IGSF6: variants seen among roughly 807,000 people sequenced by gnomAD.
IGSF6 encodes the protein immunoglobulin superfamily member 6.
IGSF6 carries 23 observed loss-of-function variants against 24.7 expected under a neutral mutation model. That is an observed-to-expected ratio of 0.93 (90% CI 0.67 to 1.32). The LOEUF (loss-of-function observed/expected upper bound fraction) is 1.32. Ranked by LOEUF, IGSF6 falls within the 40% of genes most tolerant of loss-of-function variation. The pLI is 0.00. For missense variants in IGSF6, 295 were observed against 293.6 expected, an observed-to-expected ratio of 1.00 and a Z score of -0.04; for synonymous variants, 110 against 113.7, an observed-to-expected ratio of 0.97 and a Z score of 0.21.
intron 2 of IGSF6, among the ~76,000 whole-genome samples, chr16:21,645,958 T>TTATA (rs1317082904): frequency 3.3e-5 from 5 of 152,166 alleles, no homozygotes; most frequent in African/African-American, 1.2e-4. Flanking sequence ...AAAGCACAGG[T>TTATA]TATAATACTG....
Position 21,644,354 on chromosome 16 carries a change from G to A in IGSF6, c.470C>T (p.Ala157Val), listed in dbSNP as rs199935071. The A allele has an allele frequency of 7.4e-6, 12 of 1,613,886 alleles. No individual in the cohort carries two copies. The highest frequency in any genetic ancestry group is 8.5e-6 in the Non-Finnish European group (10 of 1,179,910). ...LSKELRSFLT[A>V]LVSLLSVYVT... Reference sequence around the variant, plus strand: ...ATAGACAGAGAGCAGTGATACAAGAGCTGTCAGGAAGCTCCGCAGTTCCTT... The same window carrying A: ...ATAGACAGAGAGCAGTGATACAAGAACTGTCAGGAAGCTCCGCAGTTCCTT... Residue 157 changes from alanine to valine, a missense_variant, in exon 3 of 6, where the codon GCT (alanine) becomes GTT (valine). Transcript: ENST00000268389.
intron 1 of IGSF6, chr16:21,651,901 T>C (rs1349014574): frequency 6.6e-6 from 1 of 152,196 alleles, no homozygotes; most frequent in Admixed American, 6.5e-5. Context: ...AAGTCACCCA[T>C]AGTCCTTTTG....
chr16:21,645,205 C>A (rs1222331517), intron 2 of IGSF6, among the ~76,000 whole-genome samples: 2 of 152,160 alleles, frequency 1.3e-5, no homozygotes, highest in African/African-American at 4.8e-5. Flanking sequence ...GTAATCCCAG[C>A]ACTTTGAGAG....
chr16:21,649,717 AT>A (rs1966519384), intron 1 of IGSF6, among the ~76,000 whole-genome samples: 1 of 152,024 alleles, frequency 6.6e-6, no homozygotes, highest in Admixed American at 6.6e-5. Flanking sequence ...ACACATTTTT[AT>A]TTTTGAGATA....
chr16:21,648,730 A>G (rs1280197539), intron 1 of IGSF6, among the ~76,000 whole-genome samples: 2 of 152,204 alleles, frequency 1.3e-5, no homozygotes, highest in African/African-American at 2.4e-5. Context: ...TGGTTGAGAC[A>G]AATTGGAATT....
At chr16:21,643,670 C>G in intron 3 of IGSF6, 72 bp from the exon 4 acceptor site, 1 of 971,860 alleles carries the variant, frequency 1.0e-6, no homozygotes, top group Non-Finnish European at 1.6e-6. Flanking sequence ...TATCTCATGC[C>G]CTAATAAGAT....
chr16:21,639,925 TTTTATTTATTTATTTA>T lies in IGSF6; in HGVS notation c.*1593_*1608del, dbSNP rs113376697. ...ATACCAGTTTAAAAGAAACACTTTA[TTTTATTTATTTATTTA>T]TTTATTTATTTATTTTTGAGACAGT... On this transcript the variant is annotated 3_prime_UTR_variant, in exon 6 of 6. Coordinates refer to ENST00000268389, the MANE Select transcript of IGSF6 (RefSeq NM_005849.4). The T allele has an allele frequency of 1.3e-5, 2 of 151,252 alleles. No homozygotes were observed. The allele number at this position is 151,252 out of a possible 1,614,324, so 9.4% of individuals were successfully genotyped here.
intron 1 of IGSF6, among the ~76,000 whole-genome samples, chr16:21,650,453 A>G (rs1966539584): frequency 6.8e-6 from 1 of 147,042 alleles, no homozygotes; most frequent in Non-Finnish European, 1.5e-5. Flanking sequence ...GGTTGCAGTG[A>G]GCTGAGATTG....
At chr16:21,644,149 G>C (rs911693086) in intron 3 of IGSF6, 141 bp downstream of exon 3, 39 of 615,616 alleles carry the variant, frequency 6.3e-5, no homozygotes, top group Non-Finnish European at 9.2e-5. Flanking sequence ...TTCTGCAGGT[G>C]GTGTTCCCTG....
chr16:21,643,094 C>T lies in IGSF6; in HGVS notation c.646G>A (p.Val216Met), dbSNP rs780004119. 1.6e-5 allele frequency: 26 copies of T among 1,606,472 alleles called. No individual in the cohort carries two copies. The highest frequency in any genetic ancestry group is 2.2e-5 in the South Asian group (2 of 90,772). ...IAQELYHKRH[V>M]ETNQQSEKDN... ...CTTACAGATTGCTGATTTGTTTCCACATGTCTCTTATGGTATAGTTCTTGA... is the reference window on the plus strand; with the variant it reads ...CTTACAGATTGCTGATTTGTTTCCATATGTCTCTTATGGTATAGTTCTTGA... The change falls in exon 5 of 6, where the codon GTG (valine) becomes ATG (methionine). Residue 216 changes from valine to methionine, a missense_variant. Transcript: ENST00000268389.
intron 2 of IGSF6, chr16:21,646,606 C>G (rs983605314): frequency 1.2e-4 from 23 of 198,166 alleles, no homozygotes; most frequent in African/African-American, 4.9e-4. Context: ...AATAGAGCAC[C>G]CAGCAAATCA....
chr16:21,642,315 A>G (rs912695533), intron 5 of IGSF6: 12 of 152,234 alleles, frequency 7.9e-5, no homozygotes, highest in African/African-American at 2.4e-4. Flanking sequence ...GGCAGCACTT[A>G]CACTAAAATT....
rs527765746 is a variant in IGSF6, at chr16:21,643,554, T to A, written c.579A>T (p.Ser193=). 1 of 1,602,174 alleles carries A rather than the reference T, an allele frequency of 6.2e-7. No individual in the cohort carries two copies. The highest frequency in any genetic ancestry group is 2.2e-5 in the East Asian group (1 of 44,734). Residue 193 remains serine, a synonymous_variant, in exon 4 of 6, where the codon TCA becomes TCT. Transcript: ENST00000268389. ...TTCAAGTGTTGGTCTGTACCTTTTG[T>A]GAGTCTTCTTTTATTTCTTTGTTTC... ...PLRNKEIKED[S]QKKKSARRIF... is the part of the protein sequence containing the mutation.
At chr16:21,644,934 C>CA (rs1387852156) in intron 2 of IGSF6, among the ~76,000 whole-genome samples, 1 of 152,230 alleles carries the variant, frequency 6.6e-6, no homozygotes. Flanking sequence ...GAAAGACAGG[C>CA]ACTTTTGCCA....
chr16:21,644,220 A>T (rs1299087087), intron 3 of IGSF6, 70 bp downstream of exon 3: 5 of 1,124,496 alleles, frequency 4.4e-6, no homozygotes, highest in Non-Finnish European at 6.8e-6. Context: ...TTGTGGAGAG[A>T]TAGAAATTAT....
Position 21,652,549 on chromosome 16 carries a change from A to G in IGSF6, c.50T>C (p.Leu17Pro), listed in dbSNP as rs753956942. ...AACCTTACCGACACAAAATAGAATG[A>G]GATTGGTTTGCAGATGGCGAGCGAT... ...SNIARHLQTN[L>P]ILFCVGAVGA... Residue 17 changes from leucine (L) to proline (P), a missense_variant, in exon 1 of 6, where the codon CTC (leucine) becomes CCC (proline). Transcript: ENST00000268389. The G allele has an allele frequency of 1.2e-6, 2 of 1,611,334 alleles. No homozygotes were observed. Among genetic ancestry groups the G allele is most frequent in the Admixed American group, 1.7e-5 (1 of 59,562 alleles).
At position 21,647,421 on chromosome 16, in the gene IGSF6, C is replaced by T. The variant is rs116192352; in HGVS notation, c.139G>A (p.Val47Ile). 81 of 1,614,002 alleles carry T rather than the reference C, an allele frequency of 5.0e-5. 2 individuals are homozygous for T. The Middle Eastern group carries it at 1.3e-3, about 26-fold the overall frequency. ...GCGGAGAAGGTACACTTTATGGTGACGGCCTCATGAGTGTAGTCCACTTCT... is the reference window on the plus strand; with the variant it reads ...GCGGAGAAGGTACACTTTATGGTGATGGCCTCATGAGTGTAGTCCACTTCT... ...YLEVDYTHEAVTIKCTFSATG... is the reference protein window; with the variant it reads ...YLEVDYTHEAITIKCTFSATG... Residue 47 changes from valine (V) to isoleucine (I), a missense_variant, in exon 2 of 6, where the codon GTC becomes ATC. Transcript: ENST00000268389.
intron 4 of IGSF6, 31 bp downstream of exon 4, chr16:21,643,517 T>TA (rs1395696795): frequency 7.1e-7 from 1 of 1,408,820 alleles, no homozygotes; most frequent in Non-Finnish European, 9.9e-7. Context: ...AGCCACAATT[T>TA]AAAAAATATT....
intron 1 of IGSF6, among the ~76,000 whole-genome samples, chr16:21,648,909 C>T (rs1458709403): frequency 6.6e-6 from 1 of 152,198 alleles, no homozygotes; most frequent in East Asian, 1.9e-4. Flanking sequence ...TATGGATCCC[C>T]ATTCATAACA....
Sources: allele counts gnomAD v4.1 joint callset (sites outside exome capture counted in the v4.1 genomes callset), GRCh38; gene constraint gnomAD v4.1.1; transcripts MANE v1.5; gene names NCBI Gene and HGNC (gene_info 2026-07-23, HGNC 2026-07-21).